The following AOPEP variants were observed in gnomAD, a reference collection of about 807,000 sequenced individuals.
The protein encoded by AOPEP is aminopeptidase O (putative), also known as aminopeptidase O.
AOPEP carries 77 observed loss-of-function variants against 98.1 expected under a neutral mutation model. The observed-to-expected ratio is 0.78, with a 90% CI of 0.65 to 0.95. AOPEP has a LOEUF of 0.95. Ranked by LOEUF, AOPEP falls within the 40% of genes least tolerant of loss-of-function variation. AOPEP has a pLI of 0.00. For synonymous variants in AOPEP, 346 were observed against 365.3 expected (o/e 0.95, Z 0.60); for missense variants, 1,024 against 1,024.7 (o/e 1.00, Z 0.01).
intron 5 of AOPEP, among the ~76,000 whole-genome samples, chr9:94,870,091 C>T (rs981484957): frequency 1.3e-5 from 2 of 149,900 alleles, no homozygotes; most frequent in Non-Finnish European, 2.9e-5. Flanking sequence ...TGGGTTCAAG[C>T]GATTCTCCTG....
At chr9:94,833,995 G>A (rs961620448) in intron 5 of AOPEP, among the ~76,000 whole-genome samples, 1 of 151,802 alleles carries the variant, frequency 6.6e-6, no homozygotes, top group African/African-American at 2.4e-5. Context: ...AAATACTCTT[G>A]CCCAGGTTGC....
chr9:94,728,011 T>G (rs1222009356), intron 1 of AOPEP, among the ~76,000 whole-genome samples: 1 of 152,240 alleles, frequency 6.6e-6, no homozygotes, highest in Non-Finnish European at 1.5e-5. Context: ...AATCAAGATT[T>G]AAATTCAGGT....
intron 7 of AOPEP, among the ~76,000 whole-genome samples, chr9:94,936,297 CCCATCTCAT>C (rs2056266028): frequency 6.6e-6 from 1 of 152,138 alleles, no homozygotes; most frequent in African/African-American, 2.4e-5. Flanking sequence ...ACCTCTGTCC[CCCATCTCAT>C]CTCTTGTCGT....
intron 5 of AOPEP, among the ~76,000 whole-genome samples, chr9:94,857,631 T>A (rs975558008): frequency 5.9e-5 from 9 of 152,166 alleles, no homozygotes; most frequent in Non-Finnish European, 8.8e-5. Flanking sequence ...CTTATAAAAT[T>A]ACAGATTGTC....
At chr9:95,041,234 G>A (rs2065262512) in intron 13 of AOPEP, among the ~76,000 whole-genome samples, 1 of 152,048 alleles carries the variant, frequency 6.6e-6, no homozygotes, top group Non-Finnish European at 1.5e-5. Flanking sequence ...AAACATTTGG[G>A]GCCAAAGAAA....
chr9:94,763,950 C>T (rs448899), intron 2 of AOPEP, among the ~76,000 whole-genome samples: 7,890 of 152,190 alleles, frequency 0.052, 227 homozygotes, highest in Admixed American at 0.077. Flanking sequence ...ATGTTCTGTC[C>T]TCAAGGAGGT....
intron 13 of AOPEP, among the ~76,000 whole-genome samples, chr9:95,039,656 T>A (rs1334750602): frequency 1.1e-4 from 17 of 152,234 alleles, no homozygotes; most frequent in Admixed American, 1.1e-3. Flanking sequence ...AATATTTCTC[T>A]CAAAAGCTTT....
chr9:95,108,876 T>G, the AOPEP span, among the ~76,000 whole-genome samples: 78 of 152,116 alleles, frequency 5.1e-4, no homozygotes, highest in East Asian at 0.01. Flanking sequence ...AGCAGTTCAG[T>G]TCACTGTATC....
chr9:95,047,123 A>C (rs2065926224), intron 13 of AOPEP, among the ~76,000 whole-genome samples: 1 of 152,184 alleles, frequency 6.6e-6, no homozygotes, highest in South Asian at 2.1e-4. Flanking sequence ...TTAGATGGAG[A>C]TATTTTAGCT....
intron 5 of AOPEP, among the ~76,000 whole-genome samples, chr9:94,899,692 G>A (rs993134108): frequency 1.3e-5 from 2 of 151,914 alleles, no homozygotes; most frequent in Non-Finnish European, 2.9e-5. Flanking sequence ...TGAAGCTGCA[G>A]TGAGCCATGA....
At position 94,773,038 on chromosome 9, in the gene AOPEP, C is replaced by T. The variant is rs1248487317; in HGVS notation, c.834C>T (p.Asn278=). The change falls in exon 3 of 17, where the codon AAC becomes AAT. Residue 278 remains asparagine, a synonymous_variant. Coordinates refer to ENST00000375315, the MANE Select transcript of AOPEP (RefSeq NM_001193329.3). The part of the protein sequence containing the change: ...CVYTVGSPIN[N]RALFPCQEPP... Reference sequence around the variant, plus strand: ...ATACTGTGGGATCTCCCATAAACAACAGGGCCCTTTTTCCATGCCAGGAGC... The same window carrying T: ...ATACTGTGGGATCTCCCATAAACAATAGGGCCCTTTTTCCATGCCAGGAGC... The T allele has an allele frequency of 5.0e-6, 8 of 1,614,090 alleles. No homozygotes were observed. Among genetic ancestry groups the T allele is most frequent in the Non-Finnish European group, 6.8e-6 (8 of 1,179,974 alleles).
At chr9:94,800,244 G>A (rs1184835337) in intron 4 of AOPEP, among the ~76,000 whole-genome samples, 2 of 152,182 alleles carry the variant, frequency 1.3e-5, no homozygotes, top group African/African-American at 4.8e-5. Flanking sequence ...TTCTTTCGAG[G>A]AGTTTGAGCC....
the AOPEP span, among the ~76,000 whole-genome samples, chr9:95,092,995 A>G: frequency 6.6e-6 from 1 of 152,210 alleles, no homozygotes; most frequent in Non-Finnish European, 1.5e-5. Flanking sequence ...AAGAACATGA[A>G]TTACGGCATA....
Position 94,760,361 on chromosome 9 carries a change from CTT to C in AOPEP, c.580_581del (p.Leu194AlafsTer27), listed in dbSNP as rs762297380. ...AATCAGATTGTACGTGAACTTGTGACTTTGCCTGCAAATCGTTGGAGGGAGCA... is the reference window on the plus strand; with the variant it reads ...AATCAGATTGTACGTGAACTTGTGACTGCCTGCAAATCGTTGGAGGGAGCA... On this transcript the variant is annotated frameshift_variant, in exon 2 of 17. Transcript: ENST00000375315. LOFTEE classifies it high-confidence loss of function. 1 of 1,614,190 alleles carries C rather than the reference CTT, an allele frequency of 6.2e-7. No homozygotes were observed. The highest frequency in any genetic ancestry group is 1.1e-5 in the South Asian group (1 of 91,080).
chr9:95,119,365 C>CT, the AOPEP span, among the ~76,000 whole-genome samples: 43 of 141,300 alleles, frequency 3.0e-4, no homozygotes, highest in Admixed American at 9.9e-4. Flanking sequence ...TCTTCCTTTT[C>CT]TTTTTTTTTT....
At chr9:94,999,783 G>GGT (rs137918117) in intron 11 of AOPEP, among the ~76,000 whole-genome samples, 6,231 of 150,472 alleles carry the variant, frequency 0.041, 420 homozygotes, top group African/African-American at 0.14. Context: ...TGACAATTGG[G>GGT]GTGTGTGTGT....
chr9:94,784,032 G>C (rs1843866892), intron 3 of AOPEP, among the ~76,000 whole-genome samples: 1 of 152,192 alleles, frequency 6.6e-6, no homozygotes, highest in Non-Finnish European at 1.5e-5. Context: ...ATAGTGGAGA[G>C]GTTGAAAAAG....
intron 1 of AOPEP, among the ~76,000 whole-genome samples, chr9:94,753,988 G>A (rs1236051058): frequency 6.6e-6 from 1 of 152,166 alleles, no homozygotes; most frequent in Non-Finnish European, 1.5e-5. Context: ...ACTATCAGTA[G>A]GGGAACGTAT....
chr9:95,120,065 G>A, the AOPEP span, among the ~76,000 whole-genome samples: 1 of 152,082 alleles, frequency 6.6e-6, no homozygotes, highest in Admixed American at 6.5e-5. Context: ...CCTATGGTTA[G>A]TGCTTCTGAG....
Sources: gnomAD v4.1 joint callset for allele counts (sites outside exome capture counted in the v4.1 genomes callset) on GRCh38, gnomAD v4.1.1 for gene constraint, MANE v1.5 for transcripts, NCBI Gene and HGNC (gene_info 2026-07-23, HGNC 2026-07-21) for gene names.